TUT7: variants seen among roughly 807,000 people sequenced by gnomAD.
TUT7 encodes terminal uridylyl transferase 7.
In TUT7, 33 loss-of-function variants were observed where a neutral mutation model predicts 165.9. That is an observed-to-expected ratio of 0.20 (90% CI 0.15 to 0.27). The LOEUF (loss-of-function observed/expected upper bound fraction) is 0.27, where lower values mean the gene tolerates loss of function less well. Among genes scored for constraint, TUT7 ranks in the 10% least tolerant of loss-of-function variants. TUT7 has a pLI of 1.00. For missense variants in TUT7, 1,338 were observed against 1,762.3 expected, an observed-to-expected ratio of 0.76 and a Z score of 4.31; for synonymous variants, 552 against 608.1, an observed-to-expected ratio of 0.91 and a Z score of 1.36.
intron 6 of TUT7, among the ~76,000 whole-genome samples, chr9:86,341,605 C>CT (rs2131572048): frequency 6.6e-6 from 1 of 152,300 alleles, no homozygotes; most frequent in Non-Finnish European, 1.5e-5. Flanking sequence ...ATCTCCTGCT[C>CT]TTCTTTTTCT....
intron 10 of TUT7, among the ~76,000 whole-genome samples, chr9:86,330,351 T>C (rs700769): frequency 6.6e-6 from 1 of 152,154 alleles, no homozygotes; most frequent in East Asian, 1.9e-4. Context: ...TGAGCCACCA[T>C]GCCCGGCCCT....
intron 11 of TUT7, among the ~76,000 whole-genome samples, chr9:86,326,876 AAAATGTAAAAATAAAGCATT>A (rs1390363667): frequency 2.0e-5 from 3 of 152,258 alleles, no homozygotes; most frequent in Admixed American, 6.5e-5. Context: ...AAATAACATA[AAAATGTAAAAATAAAGCATT>A]AAATGGATTT....
chr9:86,304,762 G>T, intron 24 of TUT7, 94 bp downstream of exon 24: 1 of 796,028 alleles, frequency 1.3e-6, no homozygotes, highest in Non-Finnish European at 2.0e-6. Context: ...TAGACTCACA[G>T]ACTTTCTAAA....
At position 86,301,303 on chromosome 9, in the gene TUT7, C is replaced by T. The variant is rs917719398; in HGVS notation, c.4393G>A (p.Glu1465Lys). The T allele has an allele frequency of 8.1e-6, 13 of 1,613,940 alleles. No individual in the cohort carries two copies. The highest frequency in any genetic ancestry group is 1.1e-5 in the Non-Finnish European group (13 of 1,180,002). Residue 1465 changes from glutamate (E) to lysine (K), a missense_variant, in exon 26 of 27, where the codon GAA becomes AAA. Around this residue, in one of 7 missense-constraint regions of TUT7, gnomAD observed 167 missense variants for 204.9 expected, o/e 0.82. Coordinates refer to ENST00000375963, the MANE Select transcript of TUT7 (RefSeq NM_024617.4). Reference protein sequence around the residue: ...ICGREGHIKKECPQFKGSSGS... With the variant: ...ICGREGHIKKKCPQFKGSSGS... ...GAAGAGCCTTTAAACTGTGGGCATT[C>T]CTTTTTAATGTGCCCTTCTCTTCCA...
chr9:86,303,000 TTTTC>T (rs1338460818), intron 25 of TUT7, 82 bp downstream of exon 25: 3 of 610,128 alleles, frequency 4.9e-6, no homozygotes, highest in Non-Finnish European at 2.9e-6. Context: ...CACAAGTGTA[TTTTC>T]TTTGTTATAA....
intron 17 of TUT7, among the ~76,000 whole-genome samples, chr9:86,312,234 C>G (rs1270266147): frequency 1.3e-5 from 2 of 151,824 alleles, no homozygotes; most frequent in Admixed American, 1.3e-4. Flanking sequence ...TGCCCGGCCA[C>G]CCATCGTCTG....
At chr9:86,315,310 C>T (rs566222858) in intron 17 of TUT7, among the ~76,000 whole-genome samples, 1 of 152,278 alleles carries the variant, frequency 6.6e-6, no homozygotes, top group Admixed American at 6.5e-5. Context: ...TAAGTCATTT[C>T]TAATCTAAAA....
chr9:86,337,190 T>C (rs1830861810), intron 10 of TUT7: 1 of 431,110 alleles, frequency 2.3e-6, no homozygotes, highest in Non-Finnish European at 4.1e-6. Flanking sequence ...AATTAAGAGA[T>C]TTTGCAGTCT....
chr9:86,351,805 C>T (rs1413444086), intron 2 of TUT7, among the ~76,000 whole-genome samples: 2 of 152,126 alleles, frequency 1.3e-5, no homozygotes, highest in South Asian at 2.1e-4. Context: ...CACTAAAAAA[C>T]GCTTTCAGCC....
chr9:86,338,675 G>GTACGT (rs1831055072), intron 9 of TUT7, 148 bp downstream of exon 9: 3 of 785,808 alleles, frequency 3.8e-6, no homozygotes, highest in Non-Finnish European at 5.4e-6. Context: ...TCTTCCGTCT[G>GTACGT]TACGTTTCTG....
At position 86,346,447 on chromosome 9, in the gene TUT7, G is replaced by A; in HGVS notation, c.554C>T (p.Pro185Leu). The change falls in exon 3 of 27, where the codon CCA becomes CTA. Residue 185 changes from proline to leucine, a missense_variant. Physicochemically the swap from Pro to Leu is moderately conservative, Grantham distance 98. Coordinates refer to ENST00000375963, the MANE Select transcript of TUT7 (RefSeq NM_024617.4). Reference sequence around the variant, plus strand: ...ATTTTCCTCATTTCTAGTCTTCCGTGGCTTCCTAGGTCTGGACCTCTGCTT... The same window carrying A: ...ATTTTCCTCATTTCTAGTCTTCCGTAGCTTCCTAGGTCTGGACCTCTGCTT... ...NKKQRSRPRK[P>L]RKTRNEENEQ... 1 of 1,613,910 alleles carries A rather than the reference G, an allele frequency of 6.2e-7. No individual in the cohort carries two copies. Among genetic ancestry groups the A allele is most frequent in the Non-Finnish European group, 8.5e-7 (1 of 1,179,884 alleles).
chr9:86,320,340 G>A (rs920285967), intron 14 of TUT7, among the ~76,000 whole-genome samples: 5 of 149,800 alleles, frequency 3.3e-5, no homozygotes, highest in Non-Finnish European at 4.4e-5. Flanking sequence ...TGTGAAACAA[G>A]TTCCTTCATT....
chr9:86,342,045 A>C (rs1831372345), intron 6 of TUT7, among the ~76,000 whole-genome samples: 1 of 152,214 alleles, frequency 6.6e-6, no homozygotes, highest in Non-Finnish European at 1.5e-5. Context: ...TATGGCTGGT[A>C]AATCACTGAT....
chr9:86,326,318 ATCTG>A (rs1463172364), intron 11 of TUT7: 3 of 154,428 alleles, frequency 1.9e-5, no homozygotes, highest in Non-Finnish European at 2.9e-5. Context: ...AAGGTCTATA[ATCTG>A]TCTAAGTCTG....
chr9:86,349,365 T>C (rs543806039), intron 2 of TUT7, among the ~76,000 whole-genome samples: 4 of 152,308 alleles, frequency 2.6e-5, no homozygotes, highest in African/African-American at 9.6e-5. Context: ...TAATAAGAGT[T>C]CTCTATATTC....
At chr9:86,342,169 T>A (rs1469029463) in intron 6 of TUT7, among the ~76,000 whole-genome samples, 1 of 151,932 alleles carries the variant, frequency 6.6e-6, no homozygotes, top group Non-Finnish European at 1.5e-5. Flanking sequence ...CCCCAGAATC[T>A]GGATTTTTTT....
chr9:86,345,123 A>G lies in TUT7; in HGVS notation c.851T>C (p.Leu284Ser), dbSNP rs758602115. 1.2e-6 allele frequency: 2 copies of G among 1,611,342 alleles called. No homozygotes were observed. The highest frequency in any genetic ancestry group is 1.7e-6 in the Non-Finnish European group (2 of 1,179,170). The change falls in exon 5 of 27, where the codon TTA becomes TCA. Residue 284 changes from leucine to serine, a missense_variant. By Grantham distance (145) the Leu-to-Ser change is moderately radical. Around this residue, in one of 7 missense-constraint regions of TUT7, gnomAD observed 434 missense variants for 480.8 expected, o/e 0.90. Transcript: ENST00000375963. ...TATCTGGGAGGGTGTTGGTGGGGGTAACGTAGTGAGCAACTCTTCCTCTTG... is the reference window on the plus strand; with the variant it reads ...TATCTGGGAGGGTGTTGGTGGGGGTGACGTAGTGAGCAACTCTTCCTCTTG... The part of the protein sequence containing the change: ...EKQEEELLTT[L>S]PPPTPSQINA...
In TUT7 at chr9:86,305,268, G is replaced by A. The variant is rs547238987; in HGVS notation, c.3839-29C>T. ...AGCAAAAAAATTTAAGAGCAAATAA[G>A]GTAATCAAATAGAAAATGCCACCAT... On this transcript the variant is annotated intron_variant, in intron 22 of 26. Transcript: ENST00000375963. 8.0e-6 allele frequency: 12 copies of A among 1,498,140 alleles called. No individual in the cohort carries two copies. The South Asian group carries it at 1.2e-4, about 14-fold the overall frequency. The allele number at this position is 1,498,140 out of a possible 1,614,324, so 92.8% of individuals were successfully genotyped here.
chr9:86,337,803 A>G (rs1329785509), intron 9 of TUT7, among the ~76,000 whole-genome samples: 2 of 152,174 alleles, frequency 1.3e-5, no homozygotes, highest in African/African-American at 4.8e-5. Flanking sequence ...ATTATTTCCT[A>G]TTTTATTTTT....
Sources: allele counts gnomAD v4.1 joint callset (sites outside exome capture counted in the v4.1 genomes callset), GRCh38; gene constraint gnomAD v4.1.1; regional missense constraint gnomAD v4.1.1; transcripts MANE v1.5; gene names NCBI Gene and HGNC (gene_info 2026-07-23, HGNC 2026-07-21).